GPR158: variants seen among roughly 807,000 people sequenced by gnomAD.
GPR158 encodes metabotropic glycine receptor.
In GPR158, 30 loss-of-function variants were observed where a neutral mutation model predicts 78.2. That is an observed-to-expected ratio of 0.38 (90% CI 0.29 to 0.52). The LOEUF is 0.52. GPR158 is among the 20% of genes least tolerant of loss of function. The pLI is 0.83. For synonymous variants in GPR158, 581 were observed against 591.1 expected (o/e 0.98, Z 0.25); for missense variants, 1,463 against 1,523.5 (o/e 0.96, Z 0.66).
At chr10:25,502,929 C>A (rs970361921) in intron 5 of GPR158, among the ~76,000 whole-genome samples, 1 of 152,112 alleles carries the variant, frequency 6.6e-6, no homozygotes, top group Non-Finnish European at 1.5e-5. Flanking sequence ...AGTTCCCAAG[C>A]CACCTTTTTA....
intron 2 of GPR158, among the ~76,000 whole-genome samples, chr10:25,343,398 G>A (rs1293659684): frequency 1.3e-5 from 2 of 151,962 alleles, no homozygotes; most frequent in Non-Finnish European, 2.9e-5. Flanking sequence ...TTACTATTGT[G>A]TGTCCTTAGG....
At chr10:25,453,340 C>T (rs1345706287) in intron 4 of GPR158, among the ~76,000 whole-genome samples, 1 of 152,142 alleles carries the variant, frequency 6.6e-6, no homozygotes, top group Non-Finnish European at 1.5e-5. Flanking sequence ...ACATTCATCC[C>T]ACCAGTATGC....
At chr10:25,443,568 A>T (rs1835097753) in intron 4 of GPR158, among the ~76,000 whole-genome samples, 1 of 150,972 alleles carries the variant, frequency 6.6e-6, no homozygotes, top group Admixed American at 6.6e-5. Flanking sequence ...AAAAAAAAAA[A>T]AAAAATTTTT....
chr10:25,222,936 C>T (rs1025448397), intron 2 of GPR158, among the ~76,000 whole-genome samples: 3 of 152,074 alleles, frequency 2.0e-5, no homozygotes, highest in African/African-American at 4.8e-5. Flanking sequence ...GTCCTTACAG[C>T]GCATCTGTTT....
intron 2 of GPR158, among the ~76,000 whole-genome samples, chr10:25,279,142 A>G (rs1416537994): frequency 6.6e-6 from 1 of 151,958 alleles, no homozygotes; most frequent in East Asian, 1.9e-4. Flanking sequence ...AAATGACAAC[A>G]CTACTACTAC....
At chr10:25,420,315 A>G (rs1834732088) in intron 4 of GPR158, among the ~76,000 whole-genome samples, 1 of 75,894 alleles carries the variant, frequency 1.3e-5, no homozygotes, top group Non-Finnish European at 3.9e-5. Context: ...AACTCCAGCT[A>G]TTTTTGAAAC....
chr10:25,553,957 A>G (rs1418662140), intron 6 of GPR158, among the ~76,000 whole-genome samples: 1 of 152,164 alleles, frequency 6.6e-6, no homozygotes, highest in Non-Finnish European at 1.5e-5. Context: ...ATGTAGGTAA[A>G]TATGTCAAGT....
chr10:25,414,907 A>G (rs900328063), intron 4 of GPR158, among the ~76,000 whole-genome samples: 5 of 152,250 alleles, frequency 3.3e-5, no homozygotes, highest in African/African-American at 1.2e-4. Flanking sequence ...GATTGTTTAG[A>G]TTTGAATACT....
intron 4 of GPR158, among the ~76,000 whole-genome samples, chr10:25,421,660 C>T (rs1834753676): frequency 6.6e-6 from 1 of 152,052 alleles, no homozygotes; most frequent in East Asian, 1.9e-4. Context: ...AAATCTTATT[C>T]TATTGAACTA....
At chr10:25,540,860 G>A (rs1836569504) in intron 5 of GPR158, among the ~76,000 whole-genome samples, 1 of 151,334 alleles carries the variant, frequency 6.6e-6, no homozygotes, top group Admixed American at 6.6e-5. Flanking sequence ...GTTAATGGGT[G>A]CAGCACACCA....
At chr10:25,479,847 C>T (rs1022287322) in intron 5 of GPR158, among the ~76,000 whole-genome samples, 1 of 152,038 alleles carries the variant, frequency 6.6e-6, no homozygotes, top group Non-Finnish European at 1.5e-5. Context: ...TCCTCTTCTT[C>T]GTGATACATA....
intron 5 of GPR158, among the ~76,000 whole-genome samples, chr10:25,522,906 T>G (rs10047266): frequency 0.62 from 94,502 of 152,048 alleles, 31,409 homozygotes; most frequent in African/African-American, 0.88. Flanking sequence ...TGTGCAGATG[T>G]CAAGGTTATA....
chr10:25,289,905 T>C (rs972816296), intron 2 of GPR158, among the ~76,000 whole-genome samples: 4 of 152,202 alleles, frequency 2.6e-5, no homozygotes, highest in African/African-American at 9.6e-5. Flanking sequence ...AATTCACTAA[T>C]AAGATACGGA....
intron 2 of GPR158, among the ~76,000 whole-genome samples, chr10:25,281,158 CAT>C (rs1421748918): frequency 6.8e-6 from 1 of 146,206 alleles, no homozygotes; most frequent in African/African-American, 2.5e-5. Flanking sequence ...AAAAATTACT[CAT>C]CAGTTAATAC....
At chr10:25,538,292 ATTATACT>A (rs1588903526) in intron 5 of GPR158, among the ~76,000 whole-genome samples, 1 of 151,980 alleles carries the variant, frequency 6.6e-6, no homozygotes, top group African/African-American at 2.4e-5. Context: ...TTTTTTTTAA[ATTATACT>A]TTAAGTTCTA....
chr10:25,543,008 T>G (rs1266336500), intron 5 of GPR158, among the ~76,000 whole-genome samples: 1 of 152,180 alleles, frequency 6.6e-6, no homozygotes, highest in Non-Finnish European at 1.5e-5. Flanking sequence ...AATAACTTCT[T>G]TGTTATTGAA....
chr10:25,409,069 G>A (rs978048723), intron 3 of GPR158, among the ~76,000 whole-genome samples: 1 of 152,176 alleles, frequency 6.6e-6, no homozygotes, highest in African/African-American at 2.4e-5. Flanking sequence ...AGTCCCTGGA[G>A]GATAGAGCAC....
chr10:25,287,251 T>A (rs1268877977), intron 2 of GPR158, among the ~76,000 whole-genome samples: 1 of 152,136 alleles, frequency 6.6e-6, no homozygotes, highest in African/African-American at 2.4e-5. Flanking sequence ...CCTTTTCTTT[T>A]CTCCTAGCTT....
At chr10:25,381,399 A>G (rs1190625351) in intron 2 of GPR158, among the ~76,000 whole-genome samples, 1 of 152,152 alleles carries the variant, frequency 6.6e-6, no homozygotes, top group Admixed American at 6.5e-5. Context: ...AGTAACTAGA[A>G]GTGAATTTAG....
Sources: allele counts gnomAD v4.1 joint callset (sites outside exome capture counted in the v4.1 genomes callset), GRCh38; gene constraint gnomAD v4.1.1; transcripts MANE v1.5; gene names NCBI Gene and HGNC (gene_info 2026-07-23, HGNC 2026-07-21).